ALPK1: variants seen among roughly 807,000 people sequenced by gnomAD.
The protein encoded by ALPK1 is alpha-protein kinase 1.
ALPK1 carries 110 observed loss-of-function variants against 120.6 expected under a neutral mutation model. The observed-to-expected ratio is 0.91, with a 90% CI of 0.78 to 1.07. The LOEUF is 1.07. Ranked by LOEUF, ALPK1 falls within the 50% of genes least tolerant of loss-of-function variation. The pLI is 0.00. For missense variants in ALPK1, 1,498 were observed against 1,483.9 expected (o/e 1.01, Z -0.16); for synonymous variants, 582 against 560.3 (o/e 1.04, Z -0.55).
In ALPK1 at chr4:112,364,242, T is replaced by C. The variant is rs546441718; in HGVS notation, c.-100-13436T>C. ...AGAACTGAATTAAATTAAATATATATATTTATATACAAAAAATAAATAAAA... is the reference window on the plus strand; with the variant it reads ...AGAACTGAATTAAATTAAATATATACATTTATATACAAAAAATAAATAAAA... On this transcript the variant is annotated intron_variant, in intron 2 of 15. Transcript: ENST00000650871. Among the ~76,000 whole-genome samples, 4 of 151,106 alleles carry C rather than the reference T, an allele frequency of 2.6e-5. No homozygotes were observed. The East Asian group carries it at 7.7e-4, about 29-fold the overall frequency.
At chr4:112,356,259 C>T (rs1391090461) in intron 2 of ALPK1, 146 of 1,347,506 alleles carry the variant, frequency 1.1e-4, no homozygotes, top group Admixed American at 4.7e-4. Context: ...GAGAGCCCCG[C>T]GGGCACAGGC....
chr4:112,382,289 C>CT (rs34345428), intron 3 of ALPK1, 109 bp from the exon 4 acceptor site: 15,808 of 666,812 alleles, frequency 0.024, 166 homozygotes, highest in Middle Eastern at 0.029. Context: ...AGGTTTTTCT[C>CT]TTTTTTTTTT....
chr4:112,314,842 A>G (rs1419239903), intron 1 of ALPK1, among the ~76,000 whole-genome samples: 1 of 151,732 alleles, frequency 6.6e-6, no homozygotes, highest in East Asian at 1.9e-4. Context: ...GGAGAGTTGA[A>G]AAATGTAAAT....
At chr4:112,440,540 A>G (rs1363690202) in intron 14 of ALPK1, among the ~76,000 whole-genome samples, 1 of 152,158 alleles carries the variant, frequency 6.6e-6, no homozygotes, top group African/African-American at 2.4e-5. Flanking sequence ...TGAACAGATG[A>G]GTATATGAAT....
intron 2 of ALPK1, among the ~76,000 whole-genome samples, chr4:112,322,777 C>T (rs1456927871): frequency 2.6e-5 from 4 of 152,014 alleles, no homozygotes; most frequent in South Asian, 2.1e-4. Context: ...GACTCAAGAA[C>T]GAATTAAGTT....
chr4:112,369,378 G>A (rs1429170185), intron 2 of ALPK1, among the ~76,000 whole-genome samples: 3 of 152,148 alleles, frequency 2.0e-5, no homozygotes, highest in Admixed American at 6.5e-5. Context: ...TATGTCTATG[G>A]GTGCTCAGAG....
intron 2 of ALPK1, chr4:112,359,696 C>T: frequency 4.1e-6 from 1 of 242,912 alleles, no homozygotes; most frequent in Non-Finnish European, 8.4e-6. Context: ...CAGGGCGAAG[C>T]CAGTCCCCTG....
intron 4 of ALPK1, among the ~76,000 whole-genome samples, chr4:112,393,593 A>AAG (rs561479362): frequency 6.6e-6 from 1 of 151,978 alleles, no homozygotes; most frequent in Non-Finnish European, 1.5e-5. Context: ...AAAGGAAGTG[A>AAG]AGAGAGAGAG....
intron 4 of ALPK1, 154 bp downstream of exon 4, chr4:112,382,706 G>C: frequency 1.8e-6 from 2 of 1,086,882 alleles, no homozygotes; most frequent in Non-Finnish European, 2.6e-6. Context: ...GGAAATAGCT[G>C]TTTGAAAAAC....
intron 8 of ALPK1, 105 bp downstream of exon 8, chr4:112,426,648 AT>A: frequency 1.0e-6 from 1 of 969,880 alleles, no homozygotes; most frequent in Non-Finnish European, 1.5e-6. Flanking sequence ...CATCTGTCCT[AT>A]TTTTATTTAT....
chr4:112,308,137 C>A (rs1578448215), intron 1 of ALPK1, among the ~76,000 whole-genome samples: 1 of 152,222 alleles, frequency 6.6e-6, no homozygotes, highest in South Asian at 2.1e-4. Context: ...TGATGGGCTT[C>A]CCTTTGTGGG....
At chr4:112,401,733 T>C (rs1732922554) in intron 4 of ALPK1, among the ~76,000 whole-genome samples, 2 of 152,242 alleles carry the variant, frequency 1.3e-5, no homozygotes, top group African/African-American at 4.8e-5. Context: ...ATTTTAATAC[T>C]GCTTTCTTTT....
intron 4 of ALPK1, among the ~76,000 whole-genome samples, chr4:112,395,183 T>C (rs1732597122): frequency 1.3e-5 from 2 of 152,180 alleles, no homozygotes; most frequent in African/African-American, 4.8e-5. Flanking sequence ...ATATTGCAGA[T>C]GAGATGATTG....
chr4:112,414,409 C>T, intron 5 of ALPK1: 1 of 422,334 alleles, frequency 2.4e-6, no homozygotes, highest in Admixed American at 2.4e-5. Context: ...GAGTTCGAGA[C>T]CAGCCTGGAC....
At chr4:112,413,113 G>T (rs1733563948) in intron 5 of ALPK1, among the ~76,000 whole-genome samples, 1 of 152,198 alleles carries the variant, frequency 6.6e-6, no homozygotes, top group Non-Finnish European at 1.5e-5. Flanking sequence ...AAATGTTCCT[G>T]ATGTAATTTA....
intron 2 of ALPK1, among the ~76,000 whole-genome samples, chr4:112,355,222 T>C (rs1157874786): frequency 6.6e-6 from 1 of 152,272 alleles, no homozygotes; most frequent in Non-Finnish European, 1.5e-5. Context: ...AAGCATTTGT[T>C]GCAAATTTAA....
intron 2 of ALPK1, among the ~76,000 whole-genome samples, chr4:112,370,922 T>C (rs1368477196): frequency 6.6e-6 from 1 of 152,222 alleles, no homozygotes; most frequent in Non-Finnish European, 1.5e-5. Flanking sequence ...TTTATCTAAC[T>C]TACTTTTATA....
At chr4:112,306,555 C>A (rs1728070384) in intron 1 of ALPK1, among the ~76,000 whole-genome samples, 1 of 150,924 alleles carries the variant, frequency 6.6e-6, no homozygotes, top group African/African-American at 2.4e-5. Flanking sequence ...TTATAGTATT[C>A]TCTGATGGTA....
At position 112,358,056 on chromosome 4, in the gene ALPK1, T is replaced by C. The variant is rs1374766840; in HGVS notation, c.-100-19622T>C. The C allele has an allele frequency of 8.5e-6, 5 of 587,646 alleles. No homozygotes were observed. The East Asian group carries it at 2.0e-4, about 23-fold the overall frequency. 36.4% of individuals were successfully genotyped at this position (587,646 alleles called of 1,614,324 possible). On this transcript the variant is annotated intron_variant, in intron 2 of 15. Coordinates refer to ENST00000650871, the MANE Select transcript of ALPK1 (RefSeq NM_025144.4). ...GGCAGTAGTGTGATCATCACGGGCC[T>C]CCATAGCCCCCACGCATGGACCCCC...
Sources: allele counts gnomAD v4.1 joint callset (sites outside exome capture counted in the v4.1 genomes callset), GRCh38; gene constraint gnomAD v4.1.1; transcripts MANE v1.5; gene names NCBI Gene and HGNC (gene_info 2026-07-23, HGNC 2026-07-21).